The following TGM6 variants were observed in gnomAD, a reference collection of about 807,000 sequenced individuals.
TGM6 encodes transglutaminase 6, also known as protein-glutamine gamma-glutamyltransferase 6.
A neutral mutation model predicts 77.5 loss-of-function variants in TGM6; 74 were observed. That is an observed-to-expected ratio of 0.96 (90% CI 0.79 to 1.16). TGM6 has a LOEUF of 1.16. Ranked by LOEUF, TGM6 falls within the 50% of genes most tolerant of loss-of-function variation. TGM6 has a pLI of 0.00. For synonymous variants in TGM6, 383 were observed against 378.9 expected (o/e 1.01, Z -0.12); for missense variants, 968 against 940.2 (o/e 1.03, Z -0.39).
intron 10 of TGM6, among the ~76,000 whole-genome samples, chr20:2,422,153 C>G (rs911722213): frequency 6.6e-6 from 1 of 152,028 alleles, no homozygotes; most frequent in South Asian, 2.1e-4. Flanking sequence ...TATATATTAC[C>G]AATCTCAGGT....
rs112338778 is a variant in TGM6 at position 2,404,641 on chromosome 20, CT to C, written c.1336+830del. 1.1e-3 allele frequency among the ~76,000 whole-genome samples: 160 copies of C among 147,336 alleles called. 1 individual carries two copies. The highest frequency in any genetic ancestry group is 7.1e-3 in the Middle Eastern group (2 of 282). On this transcript the variant is annotated intron_variant, in intron 9 of 12. Transcript: ENST00000202625. Reference sequence around the variant, plus strand: ...ATCATATTTTACAGCTCTGGTTGCACTTTTTTTTTTTTCTTTGAGACAGAAT... The same window carrying C: ...ATCATATTTTACAGCTCTGGTTGCACTTTTTTTTTTTCTTTGAGACAGAAT...
intron 10 of TGM6, among the ~76,000 whole-genome samples, chr20:2,420,467 T>C (rs929023391): frequency 6.6e-6 from 1 of 152,198 alleles, no homozygotes; most frequent in African/African-American, 2.4e-5. Flanking sequence ...AATGAGCCAA[T>C]ATTGGCACAG....
chr20:2,410,876 A>G lies in TGM6; in HGVS notation c.1337-6356A>G, dbSNP rs2084780574. On this transcript the variant is annotated intron_variant, in intron 9 of 12. Coordinates refer to ENST00000202625, the MANE Select transcript of TGM6 (RefSeq NM_198994.3). Reference sequence around the variant, plus strand: ...TAGATTAAATGGGTAAATTTCTAGAAAGACACTTTCTTACCAAAACTATCT... The same window carrying G: ...TAGATTAAATGGGTAAATTTCTAGAGAGACACTTTCTTACCAAAACTATCT... Among the ~76,000 whole-genome samples the G allele has an allele frequency of 2.0e-5, 3 of 152,228 alleles. No homozygotes were observed. The South Asian group carries it at 6.2e-4, about 31-fold the overall frequency.
At chr20:2,423,250 G>A (rs1437115094) in intron 10 of TGM6, among the ~76,000 whole-genome samples, 3 of 151,410 alleles carry the variant, frequency 2.0e-5, no homozygotes, top group South Asian at 2.1e-4. Context: ...TTCCTTTCAC[G>A]AAGGATTTCT....
Position 2,403,843 on chromosome 20 carries a change from C to T in TGM6, c.1336+20C>T, listed in dbSNP as rs377161331. On this transcript the variant is annotated intron_variant, in intron 9 of 12. Transcript: ENST00000202625. Reference sequence around the variant, plus strand: ...CGGAAGGTAAGGGCCACATGGCGGCCTTTATTACCTTCCCCCGGATGGCCC... The same window carrying T: ...CGGAAGGTAAGGGCCACATGGCGGCTTTTATTACCTTCCCCCGGATGGCCC... 1.2e-6 allele frequency: 2 copies of T among 1,613,916 alleles called. No homozygotes were observed. The highest frequency in any genetic ancestry group is 1.7e-6 in the Non-Finnish European group (2 of 1,180,016).
At chr20:2,400,734 G>C (rs1027789261) in intron 7 of TGM6, among the ~76,000 whole-genome samples, 1 of 151,950 alleles carries the variant, frequency 6.6e-6, no homozygotes, top group African/African-American at 2.4e-5. Context: ...TCCTGGGGTG[G>C]GGTGGGGTGG....
intron 10 of TGM6, among the ~76,000 whole-genome samples, chr20:2,421,169 T>C (rs1200184985): frequency 6.6e-6 from 1 of 152,152 alleles, no homozygotes; most frequent in South Asian, 2.1e-4. Flanking sequence ...GTATTTTTAG[T>C]AAAGACAGGG....
intron 4 of TGM6, 87 bp from the exon 5 acceptor site, chr20:2,397,831 G>A (rs2084679066): frequency 2.5e-6 from 4 of 1,610,058 alleles, no homozygotes; most frequent in Admixed American, 3.3e-5. Context: ...TGCACAGATG[G>A]GGTGACTGAC....
chr20:2,408,253 C>A (rs1356306073), intron 9 of TGM6, among the ~76,000 whole-genome samples: 1 of 152,150 alleles, frequency 6.6e-6, no homozygotes, highest in African/African-American at 2.4e-5. Context: ...GGAACCAGGA[C>A]ACATGCTAGA....
chr20:2,431,065 T>C (rs1239819044), intron 12 of TGM6, 38 bp downstream of exon 12: 2 of 1,596,888 alleles, frequency 1.3e-6, no homozygotes, highest in East Asian at 2.3e-5. Context: ...GGAATGGGGC[T>C]CTCTTCCTTG....
chr20:2,394,735 G>A, intron 2 of TGM6, 110 bp downstream of exon 2: 1 of 1,260,252 alleles, frequency 7.9e-7, no homozygotes, highest in African/African-American at 1.5e-5. Context: ...GGGGAAGCAA[G>A]TCACTGTAGG....
In TGM6 at chr20:2,393,504, A is replaced by C. The variant is rs138065719; in HGVS notation, c.8-948A>C. ...TATAGCGCTGCTGGCCACAAGTTCA[A>C]TATTAATGAATCATCAATATATATT... On this transcript the variant is annotated intron_variant, in intron 1 of 12. Transcript: ENST00000202625. Among the ~76,000 whole-genome samples, 714 of 152,316 alleles carry C rather than the reference A, an allele frequency of 4.7e-3. 5 individuals carry two copies. The highest frequency in any genetic ancestry group is 0.016 in the African/African-American group (681 of 41,558).
At chr20:2,413,681 AT>A (rs199640638) in intron 9 of TGM6, among the ~76,000 whole-genome samples, 166 of 152,288 alleles carry the variant, frequency 1.1e-3, no homozygotes, top group African/African-American at 3.9e-3. Context: ...TACATGAAAA[AT>A]TTTTAAAAAA....
At chr20:2,396,766 C>T (rs1187004740) in intron 4 of TGM6, 142 bp downstream of exon 4, 2 of 780,976 alleles carry the variant, frequency 2.6e-6, no homozygotes, top group Non-Finnish European at 4.3e-6. Context: ...TTCATTCATT[C>T]ATCTACTATT....
chr20:2,396,759 A>T, intron 4 of TGM6, 135 bp downstream of exon 4: 1 of 801,916 alleles, frequency 1.2e-6, no homozygotes, highest in Non-Finnish European at 2.1e-6. Flanking sequence ...CCACTCATTC[A>T]TTCATTCATC....
intron 2 of TGM6, 93 bp downstream of exon 2, chr20:2,394,718 G>A: frequency 7.2e-7 from 1 of 1,388,090 alleles, no homozygotes; most frequent in Non-Finnish European, 9.9e-7. Context: ...CAGCAGCTCA[G>A]GCTCTGGGGG....
At position 2,406,959 on chromosome 20, in the gene TGM6, CAT is replaced by C. The variant is rs552952500; in HGVS notation, c.1336+3137_1336+3138del. On this transcript the variant is annotated intron_variant, in intron 9 of 12. Coordinates refer to ENST00000202625, the MANE Select transcript of TGM6 (RefSeq NM_198994.3). ...GCTGGCTGTGGGCTGGCCATTTTCA[CAT>C]GTTATGTAGTCATTTTATTTAACAA... is the stretch of plus-strand genomic sequence containing the variant. Among the ~76,000 whole-genome samples, 20 of 149,224 alleles carry C rather than the reference CAT, an allele frequency of 1.3e-4. No homozygotes were observed. The South Asian group carries it at 4.1e-3, about 31-fold the overall frequency.
chr20:2,411,177 A>G (rs2084782174), intron 9 of TGM6, among the ~76,000 whole-genome samples: 1 of 152,196 alleles, frequency 6.6e-6, no homozygotes, highest in Non-Finnish European at 1.5e-5. Flanking sequence ...AAAACTACAT[A>G]TCTATCTCCC....
intron 1 of TGM6, among the ~76,000 whole-genome samples, chr20:2,393,952 G>A (rs1226549942): frequency 6.6e-6 from 1 of 152,144 alleles, no homozygotes; most frequent in African/African-American, 2.4e-5. Context: ...AGGGCAATGG[G>A]CCAGTTCTCA....
Sources: allele counts gnomAD v4.1 joint callset (sites outside exome capture counted in the v4.1 genomes callset), GRCh38; gene constraint gnomAD v4.1.1; transcripts MANE v1.5; gene names NCBI Gene and HGNC (gene_info 2026-07-23, HGNC 2026-07-21).